Variants in DYNC2LI1 observed in about 807,000 individuals in gnomAD.
The protein encoded by DYNC2LI1 is cytoplasmic dynein 2 light intermediate chain 1.
A neutral mutation model predicts 51.9 loss-of-function variants in DYNC2LI1; 45 were observed. The observed-to-expected ratio is 0.87, with a 90% CI of 0.68 to 1.11. The LOEUF (loss-of-function observed/expected upper bound fraction) is 1.11. DYNC2LI1 is among the 50% of genes most tolerant of loss of function. The pLI is 0.00. For missense variants in DYNC2LI1, 490 were observed against 417.4 expected (o/e 1.17, Z -1.51); for synonymous variants, 130 against 137.8 (o/e 0.94, Z 0.40).
chr2:43,775,422 T>G (rs1326243656), intron 1 of DYNC2LI1, among the ~76,000 whole-genome samples: 1 of 152,156 alleles, frequency 6.6e-6, no homozygotes, highest in African/African-American at 2.4e-5. Flanking sequence ...GTTATATATC[T>G]GTGTAAAGAA....
intron 6 of DYNC2LI1, chr2:43,795,154 A>G (rs1032470388): frequency 9.1e-6 from 9 of 990,788 alleles, no homozygotes; most frequent in Admixed American, 5.8e-5. Context: ...CTTCAAATAC[A>G]ATAATAAATA....
At chr2:43,808,130 A>G (rs1483688567) in intron 12 of DYNC2LI1, among the ~76,000 whole-genome samples, 1 of 152,204 alleles carries the variant, frequency 6.6e-6, no homozygotes, top group African/African-American at 2.4e-5. Context: ...TTATGAGTTA[A>G]TCTTTAAAAC....
intron 11 of DYNC2LI1, among the ~76,000 whole-genome samples, 196 bp from the exon 12 acceptor site, chr2:43,804,958 G>A (rs1666197050): frequency 6.6e-6 from 1 of 152,116 alleles, no homozygotes; most frequent in African/African-American, 2.4e-5. Context: ...TTATCTGGCT[G>A]TTAGAGAAGG....
the DYNC2LI1 span, chr2:43,823,971 G>T: frequency 6.2e-7 from 1 of 1,614,092 alleles, no homozygotes; most frequent in South Asian, 1.1e-5. Context: ...ACTGGTAAAG[G>T]AGACCTACGC....
At chr2:43,784,432 A>C (rs1426926114) in intron 3 of DYNC2LI1, among the ~76,000 whole-genome samples, 1 of 151,892 alleles carries the variant, frequency 6.6e-6, no homozygotes, top group Non-Finnish European at 1.5e-5. Flanking sequence ...AAAAGTATTA[A>C]TTTCTTTCTT....
At chr2:43,805,333 T>A in intron 12 of DYNC2LI1, 87 bp downstream of exon 12, 3 of 746,812 alleles carry the variant, frequency 4.0e-6, no homozygotes, top group Non-Finnish European at 6.8e-6. Flanking sequence ...TTTTTCTCTA[T>A]GTATTTACTT....
chr2:43,796,930 A>G, intron 8 of DYNC2LI1, 135 bp downstream of exon 8: 1 of 656,046 alleles, frequency 1.5e-6, no homozygotes, highest in Non-Finnish European at 2.7e-6. Flanking sequence ...ACTGCTGAAG[A>G]CCTCTCCTTA....
chr2:43,802,980 A>G (rs1572718538), intron 10 of DYNC2LI1, among the ~76,000 whole-genome samples: 1 of 152,328 alleles, frequency 6.6e-6, no homozygotes, highest in Non-Finnish European at 1.5e-5. Context: ...ATCACTATAC[A>G]TTTAACAGGA....
chr2:43,814,177 G>A (rs2104749438), downstream of DYNC2LI1, among the ~76,000 whole-genome samples: 1 of 152,262 alleles, frequency 6.6e-6, no homozygotes, highest in South Asian at 2.1e-4. Flanking sequence ...GTGTTCAGTA[G>A]ATACAGGAAC....
At position 43,804,655 on chromosome 2, in the gene DYNC2LI1, T is replaced by G; in HGVS notation, c.816T>G (p.Val272=). Residue 272 remains valine (V), a synonymous_variant, in exon 11 of 13, where the codon GTT becomes GTG. Coordinates refer to ENST00000260605, the MANE Select transcript of DYNC2LI1 (RefSeq NM_016008.4). ...TTGCTATTTTAGGATCTCCTCCTGT[T>G]CCTGAAAATGACATTGGAAAGCTTC... The part of the protein sequence containing the change: ...DSFGQIGSPP[V]PENDIGKLHA... 1.9e-6 allele frequency: 3 copies of G among 1,604,472 alleles called. No individual in the cohort carries two copies. The highest frequency in any genetic ancestry group is 2.5e-6 in the Non-Finnish European group (3 of 1,176,554).
chr2:43,792,747 T>A (rs1255736110), intron 5 of DYNC2LI1: 7 of 1,546,732 alleles, frequency 4.5e-6, no homozygotes, highest in Non-Finnish European at 6.1e-6. Flanking sequence ...ATAAATGAAA[T>A]CATTCATTAT....
At chr2:43,802,603 T>C (rs1443364298) in intron 10 of DYNC2LI1, among the ~76,000 whole-genome samples, 6 of 152,166 alleles carry the variant, frequency 3.9e-5, no homozygotes, top group Non-Finnish European at 7.4e-5. Context: ...TAGATAATGC[T>C]GATGGAATTC....
rs777234830 is a variant in DYNC2LI1 at position 43,776,865 on chromosome 2, A to G, written c.92A>G (p.Glu31Gly). ...GSEGDGAEIA[E>G]KFVFFIGSKN... is the part of the protein sequence containing the mutation. Reference sequence around the variant, plus strand: ...GAAGGTGATGGAGCTGAAATTGCAGAAAAATTTGTTTTCTTCATTGGCAGT... The same window carrying G: ...GAAGGTGATGGAGCTGAAATTGCAGGAAAATTTGTTTTCTTCATTGGCAGT... Residue 31 changes from glutamate to glycine, a missense_variant, in exon 2 of 13, where the codon GAA (glutamate) becomes GGA (glycine). By Grantham distance (98) the Glu-to-Gly change is moderately conservative. Coordinates refer to ENST00000260605, the MANE Select transcript of DYNC2LI1 (RefSeq NM_016008.4). The G allele has an allele frequency of 6.2e-7, 1 of 1,604,868 alleles. No homozygotes were observed. Among genetic ancestry groups the G allele is most frequent in the East Asian group, 2.2e-5 (1 of 44,508 alleles).
Position 43,776,787 on chromosome 2 carries a change from C to A in DYNC2LI1, c.14C>A (p.Thr5Asn). MPSETLWEIAKAEVE... is the reference protein window; with the variant it reads MPSENLWEIAKAEVE... ...TTTTTCTGCCTCTCATGTAGTGAAACTCTCTGGGAAATTGCAAAAGCTGAA... is the reference window on the plus strand; with the variant it reads ...TTTTTCTGCCTCTCATGTAGTGAAAATCTCTGGGAAATTGCAAAAGCTGAA... Residue 5 changes from threonine (T) to asparagine (N), a missense_variant, in exon 2 of 13, where the codon ACT becomes AAT. Transcript: ENST00000260605. The A allele has an allele frequency of 6.4e-7, 1 of 1,563,180 alleles. No homozygotes were observed. Among genetic ancestry groups the A allele is most frequent in the Non-Finnish European group, 8.7e-7 (1 of 1,149,958 alleles).
At chr2:43,806,233 A>C (rs1305401510) in intron 12 of DYNC2LI1, among the ~76,000 whole-genome samples, 1 of 152,182 alleles carries the variant, frequency 6.6e-6, no homozygotes, top group African/African-American at 2.4e-5. Context: ...TTTATTTGAT[A>C]AAATGAGACG....
At chr2:43,824,715 T>G in the DYNC2LI1 span, 1 of 928,912 alleles carries the variant, frequency 1.1e-6, no homozygotes. Flanking sequence ...GACCTCATTC[T>G]GATAGTCATC....
the DYNC2LI1 span, among the ~76,000 whole-genome samples, chr2:43,815,893 G>C: frequency 4.3e-5 from 6 of 139,142 alleles, no homozygotes; most frequent in Admixed American, 4.4e-4. Context: ...AATGAGGGCA[G>C]AGTAAGAACA....
intron 5 of DYNC2LI1, among the ~76,000 whole-genome samples, chr2:43,790,785 T>C (rs1336056391): frequency 2.0e-5 from 3 of 152,158 alleles, no homozygotes; most frequent in Non-Finnish European, 4.4e-5. Context: ...TTTTCCACTT[T>C]TGAACACTTT....
At chr2:43,824,005 A>G in the DYNC2LI1 span, 1 of 1,614,204 alleles carries the variant, frequency 6.2e-7, no homozygotes, top group South Asian at 1.1e-5. Context: ...ACCCTTTAGC[A>G]CATTGCTTCG....
Sources: gnomAD v4.1 joint callset for allele counts (sites outside exome capture counted in the v4.1 genomes callset) on GRCh38, gnomAD v4.1.1 for gene constraint, MANE v1.5 for transcripts, NCBI Gene and HGNC (gene_info 2026-07-23, HGNC 2026-07-21) for gene names.